MAGI1: variants seen among roughly 807,000 people sequenced by gnomAD.
MAGI1 encodes the protein membrane associated guanylate kinase, WW and PDZ domain containing 1, also known as membrane-associated guanylate kinase, WW and PDZ domain-containing protein 1.
In MAGI1, 58 loss-of-function variants were observed where a neutral mutation model predicts 139.9. That is an observed-to-expected ratio of 0.41 (90% CI 0.34 to 0.52). MAGI1 has a LOEUF of 0.52. Among genes scored for constraint, MAGI1 ranks in the 20% least tolerant of loss-of-function variants. MAGI1 has a pLI of 0.12. For synonymous variants in MAGI1, 812 were observed against 737.9 expected (o/e 1.10, Z -1.63); for missense variants, 1,874 against 1,901.6 (o/e 0.99, Z 0.27).
At chr3:65,811,421 C>A (rs902760966) in intron 1 of MAGI1, among the ~76,000 whole-genome samples, 7 of 152,182 alleles carry the variant, frequency 4.6e-5, no homozygotes, top group African/African-American at 1.7e-4. Flanking sequence ...AAGCTTCCTG[C>A]CAGATCTCCA....
At chr3:65,417,234 A>C (rs1252048483) in intron 12 of MAGI1, among the ~76,000 whole-genome samples, 1 of 152,204 alleles carries the variant, frequency 6.6e-6, no homozygotes, top group African/African-American at 2.4e-5. Context: ...CTTAATACTT[A>C]GGTGATGGGA....
chr3:65,383,647 GA>G (rs762050550), intron 14 of MAGI1, 24 bp from the exon 15 acceptor site: 2 of 1,432,712 alleles, frequency 1.4e-6, no homozygotes, highest in South Asian at 1.1e-5. Context: ...AGAAAAAAGA[GA>G]AGGATTATTT....
chr3:65,384,759 CAAAT>C (rs1419367447), intron 14 of MAGI1, among the ~76,000 whole-genome samples: 6 of 144,310 alleles, frequency 4.2e-5, no homozygotes, highest in African/African-American at 1.0e-4. Flanking sequence ...AACAAACAAA[CAAAT>C]AAATAATATA....
At chr3:65,472,531 C>A (rs1950613895) in intron 4 of MAGI1, among the ~76,000 whole-genome samples, 1 of 152,170 alleles carries the variant, frequency 6.6e-6, no homozygotes, top group African/African-American at 2.4e-5. Flanking sequence ...TTAAAAAGTT[C>A]TAATTTCAGT....
intron 3 of MAGI1, among the ~76,000 whole-genome samples, chr3:65,489,641 T>C (rs1951862135): frequency 6.6e-6 from 1 of 152,190 alleles, no homozygotes; most frequent in Non-Finnish European, 1.5e-5. Flanking sequence ...TGGGACACTA[T>C]GCAGCATTTA....
rs76822328 is a variant in MAGI1 at position 65,915,965 on chromosome 3, T to C, written c.313+122031A>G. 1.9e-3 allele frequency among the ~76,000 whole-genome samples: 283 copies of C among 149,814 alleles called. 4 individuals carry two copies. In the East Asian group the frequency reaches 0.028, roughly 15 times the overall value. ...AAGAAATACATATACATTTATATGATACATATATAAAATGTGAATATATAT... is the reference window on the plus strand; with the variant it reads ...AAGAAATACATATACATTTATATGACACATATATAAAATGTGAATATATAT... On this transcript the variant is annotated intron_variant, in intron 1 of 22. Transcript: ENST00000402939.
chr3:65,796,367 A>G (rs1227383665), intron 1 of MAGI1, among the ~76,000 whole-genome samples: 2 of 152,216 alleles, frequency 1.3e-5, no homozygotes, highest in Non-Finnish European at 2.9e-5. Flanking sequence ...ATTCTTATCT[A>G]AAGAATACCT....
chr3:65,611,524 GATAGA>G (rs1223630954), intron 2 of MAGI1, among the ~76,000 whole-genome samples: 1 of 142,946 alleles, frequency 7.0e-6, no homozygotes, highest in Non-Finnish European at 1.5e-5. Flanking sequence ...ACATACAGCA[GATAGA>G]ATACTCTATA....
At chr3:65,380,325 C>T (rs1369942047) in intron 16 of MAGI1, among the ~76,000 whole-genome samples, 1 of 152,340 alleles carries the variant, frequency 6.6e-6, no homozygotes, top group Non-Finnish European at 1.5e-5. Flanking sequence ...CCAAAAGCTT[C>T]TCTTTTCATA....
intron 1 of MAGI1, among the ~76,000 whole-genome samples, chr3:65,963,313 T>TTAAAAAAAAAAA (rs2064552224): frequency 1.9e-5 from 2 of 104,198 alleles, no homozygotes; most frequent in East Asian, 2.9e-4. Flanking sequence ...CTCTGTCTCT[T>TTAAAAAAAAAAA]AAAAAAAAAA....
At chr3:65,693,671 T>C (rs1189520739) in intron 1 of MAGI1, among the ~76,000 whole-genome samples, 1 of 152,076 alleles carries the variant, frequency 6.6e-6, no homozygotes, top group African/African-American at 2.4e-5. Context: ...AGATGTTGAA[T>C]TCTGACAGGG....
At chr3:65,511,302 C>G (rs1184054033) in intron 2 of MAGI1, among the ~76,000 whole-genome samples, 2 of 149,066 alleles carry the variant, frequency 1.3e-5, no homozygotes, top group South Asian at 4.3e-4. Flanking sequence ...TCACACATAA[C>G]AATATTAACT....
intron 4 of MAGI1, among the ~76,000 whole-genome samples, chr3:65,477,308 A>G (rs1017086830): frequency 2.6e-5 from 4 of 152,208 alleles, no homozygotes; most frequent in African/African-American, 9.7e-5. Flanking sequence ...ATAAATAACA[A>G]ACTTTTCCTA....
At chr3:65,764,066 T>G (rs116347648) in intron 1 of MAGI1, among the ~76,000 whole-genome samples, 4,301 of 141,756 alleles carry the variant, frequency 0.03, 81 homozygotes, top group African/African-American at 0.042. Context: ...AACAAGACCC[T>G]GTCTCAAAAG....
chr3:65,736,576 A>G (rs2034756270), intron 1 of MAGI1, among the ~76,000 whole-genome samples: 1 of 152,132 alleles, frequency 6.6e-6, no homozygotes. Context: ...TGGGGTGGGT[A>G]AGGGCAGCAC....
chr3:65,575,081 ATC>A (rs2081123370), intron 2 of MAGI1, among the ~76,000 whole-genome samples: 1 of 152,032 alleles, frequency 6.6e-6, no homozygotes, highest in African/African-American at 2.4e-5. Flanking sequence ...ATAGTTAAAA[ATC>A]TCTGTTCCCC....
chr3:65,686,839 A>C (rs547621094), intron 1 of MAGI1, among the ~76,000 whole-genome samples: 15 of 152,350 alleles, frequency 9.8e-5, no homozygotes, highest in African/African-American at 3.6e-4. Flanking sequence ...AACCATGTAA[A>C]TTTAGAGGAA....
rs531675023 is a variant in MAGI1, at chr3:65,919,412, A to T, written c.313+118584T>A. 1.1e-4 allele frequency among the ~76,000 whole-genome samples: 17 copies of T among 152,064 alleles called. No homozygotes were observed. In the South Asian group the frequency reaches 3.1e-3, roughly 28 times the overall value. ...ACCCCATCTCTACAAAAAAATTTTT[A>T]AATTGGCCAGGAGTGGCGCACGCTC... On this transcript the variant is annotated intron_variant, in intron 1 of 22. Coordinates refer to ENST00000402939, the MANE Select transcript of MAGI1 (RefSeq NM_001033057.2).
intron 12 of MAGI1, among the ~76,000 whole-genome samples, chr3:65,424,224 AT>A (rs1265449166): frequency 2.0e-5 from 3 of 151,958 alleles, no homozygotes; most frequent in Non-Finnish European, 4.4e-5. Context: ...CACCACCACC[AT>A]TTTCTTATCT....
Sources: allele counts gnomAD v4.1 joint callset (sites outside exome capture counted in the v4.1 genomes callset), GRCh38; gene constraint gnomAD v4.1.1; transcripts MANE v1.5; gene names NCBI Gene and HGNC (gene_info 2026-07-23, HGNC 2026-07-21).